Variants in DUSP15 observed in about 807,000 individuals in gnomAD.
DUSP15 encodes dual specificity phosphatase 15, also known as dual specificity protein phosphatase 15.
A neutral mutation model predicts 26.3 loss-of-function variants in DUSP15; 23 were observed. The ratio of observed to expected loss-of-function variants is 0.87; its 90% confidence interval spans 0.63 to 1.24. The LOEUF is 1.24. Ranked by LOEUF, DUSP15 falls within the 50% of genes most tolerant of loss-of-function variation. DUSP15 has a pLI of 0.00. For missense variants in DUSP15, 364 were observed against 320.6 expected (o/e 1.14, Z -1.03); for synonymous variants, 143 against 135.5 (o/e 1.06, Z -0.39).
chr20:31,867,185 G>C (rs1334128615), intron 2 of DUSP15, 32 bp from the exon 3 acceptor site: 6 of 1,556,538 alleles, frequency 3.9e-6, no homozygotes, highest in Admixed American at 1.9e-5. Flanking sequence ...AGCCAATCTG[G>C]CTGGCGGGAT....
chr20:31,856,835 C>T (rs2062569273), downstream of DUSP15, among the ~76,000 whole-genome samples: 1 of 151,768 alleles, frequency 6.6e-6, no homozygotes, highest in Non-Finnish European at 1.5e-5. Context: ...CTGGGAGCCC[C>T]AGTAGAGGAG....
downstream of DUSP15, chr20:31,845,690 C>T (rs934155893): frequency 3.3e-6 from 3 of 902,406 alleles, no homozygotes; most frequent in Non-Finnish European, 3.3e-6. Context: ...GTCTGCTGAG[C>T]CATCCTCCCC....
chr20:31,849,331 C>T (rs902581585), intron 8 of DUSP15, among the ~76,000 whole-genome samples: 3 of 152,136 alleles, frequency 2.0e-5, no homozygotes, highest in African/African-American at 7.2e-5. Flanking sequence ...GCCCCCAGCC[C>T]TCCTGGTGCC....
At position 31,870,384 on chromosome 20, in the gene DUSP15, G is replaced by T; in HGVS notation, c.-47C>A. ...GGTGCACCCCCAGCTCGCCGCCCGG[G>T]AAGCGATCCGGTCACAGCTGCCCTG... On this transcript the variant is annotated 5_prime_UTR_variant, in exon 1 of 7. Transcript: ENST00000339738. This position sits in a 1 kb window ranked among gnomAD's most constrained non-coding sequence, Gnocchi z 6.6. The T allele has an allele frequency of 1.6e-6, 2 of 1,279,954 alleles. No individual in the cohort carries two copies. The highest frequency in any genetic ancestry group is 6.8e-5 in the South Asian group (2 of 29,590). 79.3% of individuals were successfully genotyped at this position (1,279,954 alleles called of 1,614,324 possible).
In DUSP15 at chr20:31,864,963, C is replaced by T. The variant is rs1250171324; in HGVS notation, c.178G>A (p.Glu60Lys). The stretch of plus-strand genomic sequence containing the variant: ...TCCAGGGGAACTTACATGGGTACCT[C>T]AGGGGTATCAGCGACCGGGATGCGA... ...YLRIPVADTP[E>K]VPIKKHFKEC... Residue 60 changes from glutamate to lysine, a missense_variant, in exon 4 of 7, where the codon GAG (glutamate) becomes AAG (lysine). Glu to Lys is a moderately conservative substitution (Grantham distance 56). Transcript: ENST00000339738. 6.2e-7 allele frequency: 1 copy of T among 1,613,950 alleles called. No homozygotes were observed. The highest frequency in any genetic ancestry group is 1.7e-5 in the Admixed American group (1 of 59,996).
chr20:31,868,950 GCT>G (rs1040021027), intron 2 of DUSP15, among the ~76,000 whole-genome samples: 1 of 152,202 alleles, frequency 6.6e-6, no homozygotes, highest in African/African-American at 2.4e-5. Flanking sequence ...GGAATGCAAA[GCT>G]TGCCGGCTCA....
chr20:31,860,386 A>G (rs2062624422), downstream of DUSP15, among the ~76,000 whole-genome samples: 1 of 152,364 alleles, frequency 6.6e-6, no homozygotes, highest in African/African-American at 2.4e-5. Context: ...TTTTGGAAGT[A>G]TCAGCTGCAG....
downstream of DUSP15, chr20:31,845,631 A>G: frequency 6.7e-7 from 1 of 1,497,716 alleles, no homozygotes; most frequent in Non-Finnish European, 9.0e-7. Flanking sequence ...AGGCTGGTTA[A>G]AAGGTCCACT....
Position 31,862,650 on chromosome 20 carries a change from T to C in DUSP15, c.356A>G (p.Lys119Arg), listed in dbSNP as rs758630209. The change falls in exon 6 of 7, where the codon AAG (lysine) becomes AGG (arginine). Residue 119 changes from lysine (K) to arginine (R), a missense_variant. Physicochemically the swap from Lys to Arg is conservative, Grantham distance 26. Transcript: ENST00000339738. ...LGWRDVLEAIKATRPIANPNP... is the reference protein window; with the variant it reads ...LGWRDVLEAIRATRPIANPNP... ...GGGGTTGGCGATGGGCCTGGTGGCC[T>C]TGATGGCTTCAAGCACGTCCCGCCA... The C allele has an allele frequency of 2.5e-6, 4 of 1,614,136 alleles. No homozygotes were observed. The Middle Eastern group carries it at 5.0e-4, about 200-fold the overall frequency.
intron 2 of DUSP15, 99 bp downstream of exon 2, chr20:31,869,465 A>T: frequency 6.7e-7 from 1 of 1,498,132 alleles, no homozygotes; most frequent in Non-Finnish European, 9.1e-7. Flanking sequence ...CCTGCCCCCA[A>T]CCCCATTCCT....
intron 1 of DUSP15, chr20:31,869,802 T>C: frequency 7.0e-7 from 1 of 1,436,070 alleles, no homozygotes; most frequent in East Asian, 2.6e-5. Flanking sequence ...GGGGGCCAGT[T>C]AACCAACCGA....
In DUSP15 at chr20:31,861,401, C is replaced by T. The variant is rs1258519080; in HGVS notation, c.*2G>A. 7 of 1,550,220 alleles carry T rather than the reference C, an allele frequency of 4.5e-6. No homozygotes were observed. The highest frequency in any genetic ancestry group is 3.7e-5 in the Admixed American group (2 of 53,576). ...GTGGGGAGCCACGGCTGGACTGCAT[C>T]CTCACTTGCCGCCCTTGCGGGACAG... On this transcript the variant is annotated 3_prime_UTR_variant, in exon 7 of 7. Transcript: ENST00000339738.
rs2062686649 is a variant in DUSP15 at position 31,862,697 on chromosome 20, C to T, written c.309G>A (p.Val103=). 1 of 1,613,790 alleles carries T rather than the reference C, an allele frequency of 6.2e-7. No homozygotes were observed. The highest frequency in any genetic ancestry group is 8.5e-7 in the Non-Finnish European group (1 of 1,179,854). ...GCCAGCCTAGCCCCGTCACAGTCATCACATACGCTGTCACAATCGTGGTGC... is the reference window on the plus strand; with the variant it reads ...GCCAGCCTAGCCCCGTCACAGTCATTACATACGCTGTCACAATCGTGGTGC... ...SRSTTIVTAY[V]MTVTGLGWRD... The change falls in exon 6 of 7, where the codon GTG becomes GTA. Residue 103 remains valine (V), a synonymous_variant. Coordinates refer to ENST00000339738, the MANE Select transcript of DUSP15 (RefSeq NM_080611.5).
chr20:31,848,735 G>T (rs760425764), intron 9 of DUSP15: 2 of 1,520,466 alleles, frequency 1.3e-6, no homozygotes, highest in Non-Finnish European at 1.8e-6. Flanking sequence ...GGACTGGAGG[G>T]AGTGTGGGAA....
intron 8 of DUSP15, chr20:31,849,592 C>T: frequency 7.2e-7 from 1 of 1,387,490 alleles, no homozygotes; most frequent in Non-Finnish European, 1.0e-6. Flanking sequence ...TGCGCTCCAC[C>T]TTGTTGGGCT....
Position 31,867,086 on chromosome 20 carries a change from G to A in DUSP15, c.123C>T (p.Pro41=). Residue 41 remains proline (P), a synonymous_variant, in exon 3 of 7, where the codon CCC becomes CCT. Transcript: ENST00000339738. The part of the protein sequence containing the change: ...ITHIISIHES[P]QPLLQDITYL... ...TAAGAAGTACCTGCAGCAGAGGCTG[G>A]GGTGACTCATGGATAGAGATGATGT... 1 of 1,587,600 alleles carries A rather than the reference G, an allele frequency of 6.3e-7. No individual in the cohort carries two copies. The highest frequency in any genetic ancestry group is 8.6e-7 in the Non-Finnish European group (1 of 1,166,160).
chr20:31,850,880 G>A (rs2123183655), intron 6 of DUSP15, among the ~76,000 whole-genome samples: 1 of 152,286 alleles, frequency 6.6e-6, no homozygotes, highest in Admixed American at 6.5e-5. Flanking sequence ...CATCCTCTGT[G>A]GCAAATCCGG....
At chr20:31,864,474 A>G in intron 4 of DUSP15, 1 of 1,044,678 alleles carries the variant, frequency 9.6e-7, no homozygotes, top group Non-Finnish European at 1.2e-6. Context: ...GAGCTCAGTT[A>G]TACTCCAGGC....
downstream of DUSP15, among the ~76,000 whole-genome samples, chr20:31,847,438 A>T (rs1039578434): frequency 2.7e-4 from 41 of 152,212 alleles, no homozygotes; most frequent in African/African-American, 9.9e-4. Context: ...CCTGGAACAG[A>T]GTAGGTGTTC....
Sources: allele counts gnomAD v4.1 joint callset (sites outside exome capture counted in the v4.1 genomes callset), GRCh38; gene constraint gnomAD v4.1.1; non-coding constraint Gnocchi (gnomAD v3.1); transcripts MANE v1.5; gene names NCBI Gene and HGNC (gene_info 2026-07-23, HGNC 2026-07-21).